KCNH4: variants seen among roughly 807,000 people sequenced by gnomAD.
KCNH4 encodes voltage-gated delayed rectifier potassium channel KCNH4.
A neutral mutation model predicts 90.7 loss-of-function variants in KCNH4; 33 were observed. The observed-to-expected ratio is 0.36, with a 90% CI of 0.28 to 0.49. The LOEUF is 0.49. Ranked by LOEUF, KCNH4 falls within the 20% of genes least tolerant of loss-of-function variation. The probability of loss-of-function intolerance (pLI) is 0.98; values close to 1 mark genes in which losing one functional copy is unlikely to be tolerated. For missense variants in KCNH4, 1,044 were observed against 1,387.1 expected, an observed-to-expected ratio of 0.75 and a Z score of 3.93; for synonymous variants, 551 against 581.7, an observed-to-expected ratio of 0.95 and a Z score of 0.76.
chr17:42,158,858 T>G (rs58070646), intron 16 of KCNH4, among the ~76,000 whole-genome samples: 2 of 149,870 alleles, frequency 1.3e-5, no homozygotes, highest in East Asian at 3.9e-4. Context: ...ATATATATAT[T>G]TTTTTTATAG....
At position 42,161,344 on chromosome 17, in the gene KCNH4, G is replaced by A. The variant is rs547065532; in HGVS notation, c.2658+904C>T. On this transcript the variant is annotated intron_variant, in intron 15 of 16. Transcript: ENST00000264661. ...GCTGAACAAGAGCCAGCCCCGCTCAGGCCCCAGGGCCTGAAACAGCCCAGG... is the reference window on the plus strand; with the variant it reads ...GCTGAACAAGAGCCAGCCCCGCTCAAGCCCCAGGGCCTGAAACAGCCCAGG... Among the ~76,000 whole-genome samples the A allele has an allele frequency of 2.0e-3, 302 of 152,344 alleles. 1 individual carries two copies. Among genetic ancestry groups the A allele is most frequent in the African/African-American group, 7.0e-3 (289 of 41,582 alleles).
intron 1 of KCNH4, among the ~76,000 whole-genome samples, 173 bp from the exon 2 acceptor site, chr17:42,179,199 G>A (rs2079885035): frequency 6.6e-6 from 1 of 152,208 alleles, no homozygotes; most frequent in Non-Finnish European, 1.5e-5. Flanking sequence ...TGGAGAAGTT[G>A]GAGCAAAGAG....
intron 9 of KCNH4, 108 bp from the exon 10 acceptor site, chr17:42,166,654 G>T: frequency 7.2e-7 from 1 of 1,396,276 alleles, no homozygotes; most frequent in Middle Eastern, 2.1e-4. Context: ...CCCTTGCTTT[G>T]AAGTCACCCA....
At chr17:42,158,835 T>TAAA (rs1220913096) in intron 16 of KCNH4, among the ~76,000 whole-genome samples, 8 of 148,680 alleles carry the variant, frequency 5.4e-5, no homozygotes, top group African/African-American at 2.0e-4. Context: ...ACTCCGTCTA[T>TAAA]AAAAAAATAT....
chr17:42,165,285 G>A (rs1410173531), intron 11 of KCNH4, among the ~76,000 whole-genome samples, 164 bp downstream of exon 11: 3 of 152,054 alleles, frequency 2.0e-5, no homozygotes, highest in African/African-American at 4.8e-5. Flanking sequence ...TAGTGTCAGC[G>A]GGGTTGGAAG....
rs1207940976 is a variant in KCNH4 at position 42,175,857 on chromosome 17, C to T, written c.830-121G>A. ...AGGCATGGAGAGATAGATTGGGCTTCTGGCTGGTCCTTAGGGAGGATAGGT... is the reference window on the plus strand; with the variant it reads ...AGGCATGGAGAGATAGATTGGGCTTTTGGCTGGTCCTTAGGGAGGATAGGT... On this transcript the variant is annotated intron_variant, in intron 5 of 16. Transcript: ENST00000264661. 6 of 1,330,974 alleles carry T rather than the reference C, an allele frequency of 4.5e-6. No homozygotes were observed. The East Asian group carries it at 1.2e-4, about 26-fold the overall frequency. The allele number at this position is 1,330,974 out of a possible 1,614,324, so 82.4% of individuals were successfully genotyped here. A position where few individuals can be genotyped will look rare whatever the true frequency, so the allele number is the denominator to read the frequency against.
rs200514289 is a variant in KCNH4 at position 42,169,488 on chromosome 17, C to T, written c.1579G>A (p.Asp527Asn). 4.3e-6 allele frequency: 7 copies of T among 1,612,844 alleles called. No homozygotes were observed. In the African/African-American group the frequency reaches 6.7e-5, roughly 15 times the overall value. The change falls in exon 9 of 17, where the codon GAC (aspartate) becomes AAC (asparagine). Residue 527 changes from aspartate (D) to asparagine (N), a missense_variant. Asp to Asn is a conservative substitution (Grantham distance 23). This residue lies in a region of KCNH4 where 318 missense variants were observed against 479.6 expected (regional missense o/e 0.66). Coordinates refer to ENST00000264661, the MANE Select transcript of KCNH4 (RefSeq NM_012285.3). ...QTTWAVNSGI[D>N]ANELLRDFPD... ...ACCCTGCAGGCTACCTCGTTGGCGT[C>T]GATGCCGCTGTTGACGGCCCACGTG... is the stretch of plus-strand genomic sequence containing the variant.
intron 6 of KCNH4, among the ~76,000 whole-genome samples, chr17:42,174,984 C>G (rs1356426358): frequency 6.6e-6 from 1 of 152,238 alleles, no homozygotes; most frequent in Non-Finnish European, 1.5e-5. Context: ...ACCCCTCCAG[C>G]CTCTGCCCAA....
At chr17:42,165,798 G>C in intron 10 of KCNH4, 105 bp from the exon 11 acceptor site, 1 of 1,350,838 alleles carries the variant, frequency 7.4e-7, no homozygotes, top group Non-Finnish European at 1.0e-6. Context: ...TTTGAAGGAT[G>C]GTTGAAGGTG....
chr17:42,160,494 C>A (rs1007501042), intron 15 of KCNH4, 59 bp from the exon 16 acceptor site: 10 of 1,494,622 alleles, frequency 6.7e-6, no homozygotes, highest in Non-Finnish European at 8.1e-6. Flanking sequence ...GGTGCACCCC[C>A]CTCTCCAGTT....
intron 14 of KCNH4, among the ~76,000 whole-genome samples, chr17:42,162,734 A>G (rs2079757839): frequency 6.6e-6 from 1 of 152,090 alleles, no homozygotes; most frequent in Non-Finnish European, 1.5e-5. Flanking sequence ...CTGGGATTAC[A>G]GGTGTGCACC....
At chr17:42,169,438 G>A (rs777792313) in intron 9 of KCNH4, 39 bp downstream of exon 9, 29 of 1,594,916 alleles carry the variant, frequency 1.8e-5, no homozygotes, top group Middle Eastern at 1.7e-4. Context: ...GCAGGGCCAC[G>A]CGGAGGGCAA....
At position 42,163,342 on chromosome 17, in the gene KCNH4, C is replaced by G. The variant is rs772151776; in HGVS notation, c.2478-8G>C. ...TCAATGCCATCCACTATCCTGGGAA[C>G]AGGGCAGTGCTCATCAGCACCATGG... On this transcript the variant is annotated splice_polypyrimidine_tract_variant and splice_region_variant and intron_variant, in intron 13 of 16. Transcript: ENST00000264661. This position sits in a 1 kb window ranked among gnomAD's most constrained non-coding sequence, Gnocchi z 5.4. 7 of 1,600,250 alleles carry G rather than the reference C, an allele frequency of 4.4e-6. No homozygotes were observed. The South Asian group carries it at 6.6e-5, about 15-fold the overall frequency.
In KCNH4 at chr17:42,160,384, T is replaced by C; in HGVS notation, c.2710A>G (p.Ile904Val). 6.2e-7 allele frequency: 1 copy of C among 1,612,884 alleles called. No individual in the cohort carries two copies. Among genetic ancestry groups the C allele is most frequent in the Non-Finnish European group, 8.5e-7 (1 of 1,179,146 alleles). ...AGCCTGGCCTGCAGCAGGCCCATGA[T>C]GTGCCGCAGCTCCCGGCTAAGCTGA... ...VSQLSRELRH[I>V]MGLLQARLGP... Residue 904 changes from isoleucine to valine, a missense_variant, in exon 16 of 17, where the codon ATC (isoleucine) becomes GTC (valine). Ile to Val is a conservative substitution (Grantham distance 29, BLOSUM62 3). Coordinates refer to ENST00000264661, the MANE Select transcript of KCNH4 (RefSeq NM_012285.3).
chr17:42,169,845 C>T lies in KCNH4; in HGVS notation c.1391-169G>A, dbSNP rs558949187. On this transcript the variant is annotated intron_variant, in intron 8 of 16. Transcript: ENST00000264661. The stretch of plus-strand genomic sequence containing the variant: ...TAGGGAGTGGTCCAGAGATGGGTAA[C>T]ACCCCATGCTCCTCTCAGGCCTCCC... Among the ~76,000 whole-genome samples, 4 of 152,308 alleles carry T rather than the reference C, an allele frequency of 2.6e-5. No homozygotes were observed. The East Asian group carries it at 5.8e-4, about 22-fold the overall frequency.
At position 42,180,837 on chromosome 17, in the gene KCNH4, C is replaced by G. The variant is rs761747140; in HGVS notation, c.76+33G>C. 6 of 1,607,584 alleles carry G rather than the reference C, an allele frequency of 3.7e-6. No homozygotes were observed. Among genetic ancestry groups the G allele is most frequent in the Middle Eastern group, 1.7e-4 (1 of 6,048 alleles). On this transcript the variant is annotated intron_variant, in intron 1 of 16. Transcript: ENST00000264661. The surrounding 1 kb of genome is among the most constrained non-coding windows in gnomAD (Gnocchi z 4.7). ...CCCCGAGGATACTTGCCCCCCAGCT[C>G]GAACCTCAAGCCCCGACCTCCGTCC...
At chr17:42,158,455 C>T (rs55682367) in intron 16 of KCNH4, among the ~76,000 whole-genome samples, 2 of 149,596 alleles carry the variant, frequency 1.3e-5, no homozygotes, top group African/African-American at 2.5e-5. Flanking sequence ...GGCGTGAACC[C>T]GGGAGGCGGA....
intron 11 of KCNH4, 129 bp from the exon 12 acceptor site, chr17:42,164,297 C>A (rs552229181): frequency 5.1e-6 from 4 of 790,684 alleles, no homozygotes; most frequent in Non-Finnish European, 3.9e-6. Flanking sequence ...GAGTCAGAAA[C>A]TATAACCCTA....
chr17:42,178,308 T>C (rs1365681063), intron 3 of KCNH4, 23 bp downstream of exon 3: 6 of 1,614,072 alleles, frequency 3.7e-6, no homozygotes, highest in Non-Finnish European at 5.1e-6. Flanking sequence ...CCATTCACAC[T>C]GCCCGTCCGG....
Sources: gnomAD v4.1 joint callset for allele counts (sites outside exome capture counted in the v4.1 genomes callset) on GRCh38, gnomAD v4.1.1 for gene constraint, gnomAD v4.1.1 regional missense constraint, Gnocchi (gnomAD v3.1) non-coding constraint, MANE v1.5 for transcripts, NCBI Gene and HGNC (gene_info 2026-07-23, HGNC 2026-07-21) for gene names.